Variants in PDE4B observed in about 807,000 individuals in gnomAD.
PDE4B encodes phosphodiesterase 4B.
In PDE4B, 20 loss-of-function variants were observed where a neutral mutation model predicts 82.2. The ratio of observed to expected loss-of-function variants is 0.24; its 90% CI spans 0.17 to 0.35. The LOEUF (loss-of-function observed/expected upper bound fraction) is 0.35. Among genes scored for constraint, PDE4B ranks in the 10% least tolerant of loss-of-function variants. The probability of loss-of-function intolerance (pLI) is 1.00; values close to 1 mark genes in which losing one functional copy is unlikely to be tolerated. For synonymous variants in PDE4B, 320 were observed against 318.9 expected, an observed-to-expected ratio of 1.00 and a Z score of -0.04; for missense variants, 655 against 907.2, an observed-to-expected ratio of 0.72 and a Z score of 3.57.
intron 3 of PDE4B, among the ~76,000 whole-genome samples, chr1:66,023,157 C>G (rs1653237185): frequency 6.6e-6 from 1 of 152,064 alleles, no homozygotes; most frequent in Non-Finnish European, 1.5e-5. Context: ...GTTGTCTTAG[C>G]TTTAGGCATA....
At chr1:65,795,315 G>A (rs1375967146) in intron 1 of PDE4B, among the ~76,000 whole-genome samples, 1 of 152,206 alleles carries the variant, frequency 6.6e-6, no homozygotes, top group Non-Finnish European at 1.5e-5. Flanking sequence ...GAAAGATTTG[G>A]TGGTTAGTAA....
chr1:66,055,196 C>T (rs921402193), intron 3 of PDE4B, among the ~76,000 whole-genome samples: 5 of 152,178 alleles, frequency 3.3e-5, no homozygotes, highest in Non-Finnish European at 5.9e-5. Flanking sequence ...TTTCTAGACT[C>T]TGTCTTTGAA....
At chr1:65,838,110 A>G (rs12734395) in intron 1 of PDE4B, among the ~76,000 whole-genome samples, 15,377 of 152,122 alleles carry the variant, frequency 0.1, 1,002 homozygotes, top group South Asian at 0.14. Flanking sequence ...GTTTGAAGGG[A>G]TTGGGTTTTT....
chr1:66,312,490 C>A (rs1248670857), intron 7 of PDE4B, among the ~76,000 whole-genome samples: 1 of 152,200 alleles, frequency 6.6e-6, no homozygotes, highest in Non-Finnish European at 1.5e-5. Context: ...GTCACTGTGA[C>A]ACTAAATCTT....
intron 3 of PDE4B, among the ~76,000 whole-genome samples, chr1:66,086,925 G>A (rs1435634592): frequency 2.0e-5 from 3 of 152,124 alleles, no homozygotes; most frequent in African/African-American, 7.2e-5. Context: ...TTTCAGTTAG[G>A]TCTTAAAGGA....
At chr1:65,849,103 C>T (rs76330444) in intron 1 of PDE4B, among the ~76,000 whole-genome samples, 3,183 of 152,224 alleles carry the variant, frequency 0.021, 88 homozygotes, top group East Asian at 0.081. Flanking sequence ...AGCAACCACT[C>T]TATTTGAGAG....
chr1:66,174,714 C>T (rs983062279), intron 3 of PDE4B, among the ~76,000 whole-genome samples: 1 of 151,950 alleles, frequency 6.6e-6, no homozygotes, highest in Admixed American at 6.6e-5. Flanking sequence ...CGAGATTGCA[C>T]TCCAGCCTGT....
intron 4 of PDE4B, among the ~76,000 whole-genome samples, chr1:66,256,436 C>T (rs1361989109): frequency 6.6e-6 from 1 of 152,180 alleles, no homozygotes; most frequent in African/African-American, 2.4e-5. Context: ...ACCTGGCAGA[C>T]AACAGTAGTG....
chr1:66,355,762 G>T, intron 9 of PDE4B, 142 bp downstream of exon 9: 2 of 488,898 alleles, frequency 4.1e-6, no homozygotes, highest in Admixed American at 3.6e-5. Flanking sequence ...ACTAAGGCCA[G>T]TCTTCAAAAG....
At chr1:66,032,741 C>T (rs531406939) in intron 3 of PDE4B, among the ~76,000 whole-genome samples, 71 of 151,750 alleles carry the variant, frequency 4.7e-4, no homozygotes, top group South Asian at 1.7e-3. Context: ...CTGCAAGCTC[C>T]GCCTCCCAGG....
chr1:65,977,793 T>G (rs76371343), intron 3 of PDE4B, among the ~76,000 whole-genome samples: 1 of 152,306 alleles, frequency 6.6e-6, no homozygotes, highest in East Asian at 1.9e-4. Flanking sequence ...TTTTACTTTT[T>G]TACTTTGAGT....
At chr1:66,169,216 A>G (rs1646792939) in intron 3 of PDE4B, among the ~76,000 whole-genome samples, 1 of 152,190 alleles carries the variant, frequency 6.6e-6, no homozygotes, top group African/African-American at 2.4e-5. Flanking sequence ...TCAGTTCTTC[A>G]GGGATCAGAG....
At chr1:65,824,524 T>C (rs72685035) in intron 1 of PDE4B, among the ~76,000 whole-genome samples, 3,332 of 151,866 alleles carry the variant, frequency 0.022, 50 homozygotes, top group Non-Finnish European at 0.035. Flanking sequence ...GAGGATTGAT[T>C]ATGTGGAAAT....
chr1:66,111,243 A>G (rs1645479743), intron 3 of PDE4B, among the ~76,000 whole-genome samples: 1 of 152,126 alleles, frequency 6.6e-6, no homozygotes, highest in Admixed American at 6.6e-5. Context: ...AAAAGAACTG[A>G]CATATTTTCT....
At chr1:65,991,466 G>T (rs1651240179) in intron 3 of PDE4B, among the ~76,000 whole-genome samples, 1 of 152,112 alleles carries the variant, frequency 6.6e-6, no homozygotes, top group Non-Finnish European at 1.5e-5. Flanking sequence ...GTCTTACCGA[G>T]AATCATTTCT....
At chr1:66,148,547 T>G (rs1038058197) in intron 3 of PDE4B, among the ~76,000 whole-genome samples, 1 of 152,200 alleles carries the variant, frequency 6.6e-6, no homozygotes, top group African/African-American at 2.4e-5. Flanking sequence ...AATTTAATTA[T>G]TTTTAGTATA....
intron 1 of PDE4B, among the ~76,000 whole-genome samples, chr1:65,872,689 T>C (rs1646587487): frequency 1.3e-5 from 2 of 152,180 alleles, no homozygotes; most frequent in East Asian, 1.9e-4. Context: ...GCATGCTTCA[T>C]TGAATACTTA....
At chr1:66,326,957 TC>T (rs1470198243) in intron 7 of PDE4B, among the ~76,000 whole-genome samples, 1 of 152,152 alleles carries the variant, frequency 6.6e-6, no homozygotes, top group Non-Finnish European at 1.5e-5. Context: ...ATCAGTGTAG[TC>T]ATAAGATTAC....
At chr1:65,936,203 A>G (rs560444363) in intron 3 of PDE4B, among the ~76,000 whole-genome samples, 2 of 152,246 alleles carry the variant, frequency 1.3e-5, no homozygotes, top group African/African-American at 4.8e-5. Context: ...TGGAGTTGCC[A>G]TCTCCTAGGA....
Sources: gnomAD v4.1 joint callset for allele counts (sites outside exome capture counted in the v4.1 genomes callset) on GRCh38, gnomAD v4.1.1 for gene constraint, MANE v1.5 for transcripts, NCBI Gene and HGNC (gene_info 2026-07-23, HGNC 2026-07-21) for gene names.